Variants in MISP observed in about 807,000 individuals in gnomAD.
MISP encodes mitotic spindle positioning.
In MISP, 51 loss-of-function variants were observed where a neutral mutation model predicts 49.3. The ratio of observed to expected loss-of-function variants is 1.03; its 90% CI spans 0.83 to 1.31. MISP has a LOEUF of 1.31. Ranked by LOEUF, MISP falls within the 50% of genes most tolerant of loss-of-function variation. The probability of loss-of-function intolerance (pLI) is 0.00; values close to 1 mark genes in which losing one functional copy is unlikely to be tolerated. For missense variants in MISP, 1,084 were observed against 935.1 expected, an observed-to-expected ratio of 1.16 and a Z score of -2.08; for synonymous variants, 444 against 392.6, an observed-to-expected ratio of 1.13 and a Z score of -1.55.
chr19:758,693 G>T lies in MISP; in HGVS notation c.1747G>T (p.Asp583Tyr). ...CTCCCCAACGCCAGATGAGAACTCT[G>T]ACCAGAACTCCAGGAGCTCCTCCCA... is the stretch of plus-strand genomic sequence containing the variant. ...VFSPTPDENS[D>Y]QNSRSSSQAS... Residue 583 changes from aspartate to tyrosine, a missense_variant, in exon 2 of 5, where the codon GAC (aspartate) becomes TAC (tyrosine). Coordinates refer to ENST00000215582, the MANE Select transcript of MISP (RefSeq NM_173481.4). The T allele has an allele frequency of 6.2e-7, 1 of 1,614,012 alleles. No individual in the cohort carries two copies. The highest frequency in any genetic ancestry group is 8.5e-7 in the Non-Finnish European group (1 of 1,179,948).
In MISP at chr19:757,084, T is replaced by A; in HGVS notation, c.138T>A (p.Asp46Glu). The change falls in exon 2 of 5, where the codon GAT (aspartate) becomes GAA (glutamate). Residue 46 changes from aspartate to glutamate, a missense_variant. By Grantham distance (45) the Asp-to-Glu change is conservative (BLOSUM62 2). Transcript: ENST00000215582. ...MGPEASGWGQ[D>E]EPQTWPTDHR... Reference sequence around the variant, plus strand: ...CCGAGGCCAGCGGCTGGGGCCAGGATGAGCCGCAGACATGGCCCACTGACC... The same window carrying A: ...CCGAGGCCAGCGGCTGGGGCCAGGAAGAGCCGCAGACATGGCCCACTGACC... 1 of 1,612,796 alleles carries A rather than the reference T, an allele frequency of 6.2e-7. No homozygotes were observed. The highest frequency in any genetic ancestry group is 8.5e-7 in the Non-Finnish European group (1 of 1,179,726).
In MISP at chr19:758,451, A is replaced by T; in HGVS notation, c.1505A>T (p.Glu502Val). ...GCCAACAGGGGTGTCGTGCGGTGGG[A>T]GTACTTCCGCCTGCGTCCTCTGCGG... ...PQANRGVVRW[E>V]YFRLRPLRFR... Residue 502 changes from glutamate to valine, a missense_variant, in exon 2 of 5, where the codon GAG becomes GTG. Physicochemically the swap from Glu to Val is moderately radical, Grantham distance 121. Transcript: ENST00000215582. 1.2e-6 allele frequency: 2 copies of T among 1,614,106 alleles called. No individual in the cohort carries two copies. Among genetic ancestry groups the T allele is most frequent in the Non-Finnish European group, 1.7e-6 (2 of 1,180,024 alleles).
Position 758,521 on chromosome 19 carries a change from C to A in MISP, c.1575C>A (p.Val525=). The change falls in exon 2 of 5, where the codon GTC becomes GTA. Residue 525 remains valine (V), a synonymous_variant. Transcript: ENST00000215582. The part of the protein sequence containing the change: ...DEPQQAQVPH[V]WGWEVAGAPA... ...CCCAGCAGGCCCAAGTCCCCCATGT[C>A]TGGGGCTGGGAGGTGGCTGGGGCCC... The A allele has an allele frequency of 1.2e-6, 2 of 1,614,144 alleles. No homozygotes were observed. The highest frequency in any genetic ancestry group is 4.5e-5 in the East Asian group (2 of 44,888).
At position 760,105 on chromosome 19, in the gene MISP, G is replaced by A. The variant is rs2033649803; in HGVS notation, c.1911+66G>A. 4 of 1,594,092 alleles carry A rather than the reference G, an allele frequency of 2.5e-6. No individual in the cohort carries two copies. In the East Asian group the frequency reaches 6.8e-5, roughly 27 times the overall value. ...CAGACAGCCCCTATTAGGGCCACAG[G>A]AAGTTCAAGCAGGACTCAAGCCTGA... On this transcript the variant is annotated intron_variant, in intron 3 of 4. Transcript: ENST00000215582.
rs369085571 is a variant in MISP, at chr19:760,347, G to A, written c.1911+308G>A. On this transcript the variant is annotated intron_variant, in intron 3 of 4. Transcript: ENST00000215582. ...AGGAGGACACTGGCAATTTGTCATCGTCACCAGCATTAGTTTCTTTTTTTT... is the reference window on the plus strand; with the variant it reads ...AGGAGGACACTGGCAATTTGTCATCATCACCAGCATTAGTTTCTTTTTTTT... The A allele has an allele frequency of 1.8e-5, 4 of 223,810 alleles. No individual in the cohort carries two copies. The South Asian group carries it at 3.5e-4, about 19-fold the overall frequency. 13.9% of individuals were successfully genotyped at this position (223,810 alleles called of 1,614,324 possible).
rs1437155098 is a variant in MISP at position 759,930 on chromosome 19, TGTCTGA to T, written c.1807_1812del (p.Glu603_Ser604del). ...ACAGGCATCACGGGCAGTTACTCGG[TGTCTGA>T]GTCTCCCTTCTTCAGCCCCATCCAC... On this transcript the variant is annotated inframe_deletion, in exon 3 of 5. Coordinates refer to ENST00000215582, the MANE Select transcript of MISP (RefSeq NM_173481.4). The T allele has an allele frequency of 1.9e-6, 3 of 1,614,100 alleles. No homozygotes were observed. The highest frequency in any genetic ancestry group is 2.5e-6 in the Non-Finnish European group (3 of 1,179,976).
At chr19:750,180 G>C (rs970020196), upstream of MISP, among the ~76,000 whole-genome samples, 1 of 143,796 alleles carries the variant, frequency 7.0e-6, no homozygotes, top group Non-Finnish European at 1.5e-5. Context: ...TGACGGCCTC[G>C]TGCGGTTCTT....
In MISP at chr19:757,161, C is replaced by T; in HGVS notation, c.215C>T (p.Ala72Val). Residue 72 changes from alanine (A) to valine (V), a missense_variant, in exon 2 of 5, where the codon GCC becomes GTC. Ala to Val is a moderately conservative substitution (Grantham distance 64, BLOSUM62 0). Transcript: ENST00000215582. ...CAGGGGGTGTCCTACAGCGTGCATG[C>T]CTACACTGGCCAGCCGTCCCCACGG... ...QRQGVSYSVH[A>V]YTGQPSPRGL... The T allele has an allele frequency of 4.3e-6, 7 of 1,613,402 alleles. No homozygotes were observed.
In MISP at chr19:758,022, C is replaced by A. The variant is rs1324435296; in HGVS notation, c.1076C>A (p.Thr359Lys). The change falls in exon 2 of 5, where the codon ACA (threonine) becomes AAA (lysine). Residue 359 changes from threonine (T) to lysine (K), a missense_variant. Thr to Lys is a moderately conservative substitution (Grantham distance 78). Transcript: ENST00000215582. ...GTGCAGCGGGACATAGTACAGGAGA[C>A]ACAGCGTGAGGAAGACCACCGGCGG... Reference protein sequence around the residue: ...LYVQRDIVQETQREEDHRREG... With the variant: ...LYVQRDIVQEKQREEDHRREG... 1 of 1,570,354 alleles carries A rather than the reference C, an allele frequency of 6.4e-7. No individual in the cohort carries two copies. Among genetic ancestry groups the A allele is most frequent in the Non-Finnish European group, 8.6e-7 (1 of 1,161,732 alleles).
At chr19:752,606 G>A (rs1339846984) in intron 1 of MISP, among the ~76,000 whole-genome samples, 1 of 152,114 alleles carries the variant, frequency 6.6e-6, no homozygotes, top group Non-Finnish European at 1.5e-5. Flanking sequence ...CCCAAGAGCT[G>A]GACCCCAGGC....
At chr19:760,729 G>GGGAA (rs1413707331) in intron 3 of MISP, among the ~76,000 whole-genome samples, 1 of 151,836 alleles carries the variant, frequency 6.6e-6, no homozygotes, top group Non-Finnish European at 1.5e-5. Context: ...GAGGGATGGA[G>GGGAA]GGAAGGAAGG....
upstream of MISP, among the ~76,000 whole-genome samples, chr19:749,025 C>T (rs1473746050): frequency 6.6e-6 from 1 of 152,214 alleles, no homozygotes; most frequent in Non-Finnish European, 1.5e-5. Flanking sequence ...GTAATCCTAG[C>T]TATTCAGGAG....
chr19:759,448 G>A (rs1240542801), intron 2 of MISP, among the ~76,000 whole-genome samples: 1 of 146,376 alleles, frequency 6.8e-6, no homozygotes, highest in Non-Finnish European at 1.5e-5. Flanking sequence ...CACCCAGGCT[G>A]GAGTGCAGTG....
At chr19:760,331 C>A (rs1401861199) in intron 3 of MISP, 4 of 259,714 alleles carry the variant, frequency 1.5e-5, no homozygotes, top group Non-Finnish European at 2.9e-5. Flanking sequence ...GAGGAGGACA[C>A]TGGCAATTTG....
Position 758,024 on chromosome 19 carries a change from C to G in MISP, c.1078C>G (p.Gln360Glu). Residue 360 changes from glutamine (Q) to glutamate (E), a missense_variant, in exon 2 of 5, where the codon CAG (glutamine) becomes GAG (glutamate). Physicochemically the swap from Gln to Glu is conservative, Grantham distance 29. Transcript: ENST00000215582. ...GCAGCGGGACATAGTACAGGAGACA[C>G]AGCGTGAGGAAGACCACCGGCGGGA... is the stretch of plus-strand genomic sequence containing the variant. The part of the protein sequence containing the change: ...YVQRDIVQET[Q>E]REEDHRREGL... 1.3e-6 allele frequency: 2 copies of G among 1,570,252 alleles called. No individual in the cohort carries two copies. The highest frequency in any genetic ancestry group is 1.7e-6 in the Non-Finnish European group (2 of 1,161,560).
upstream of MISP, among the ~76,000 whole-genome samples, chr19:749,297 T>A (rs1298784963): frequency 3.3e-5 from 5 of 152,212 alleles, no homozygotes; most frequent in African/African-American, 1.2e-4. Context: ...TGGAGAGCAC[T>A]GCTGAGGGAA....
chr19:758,208 C>T lies in MISP; in HGVS notation c.1262C>T (p.Pro421Leu). The T allele has an allele frequency of 6.2e-7, 1 of 1,612,860 alleles. No homozygotes were observed. The highest frequency in any genetic ancestry group is 2.2e-5 in the East Asian group (1 of 44,804). Residue 421 changes from proline to leucine, a missense_variant, in exon 2 of 5, where the codon CCA becomes CTA. Physicochemically the swap from Pro to Leu is moderately conservative, Grantham distance 98. Transcript: ENST00000215582. ...APEVRKVNRI[P>L]PDAYQPYLSP... is the part of the protein sequence containing the mutation. Reference sequence around the variant, plus strand: ...GAAGTGAGGAAGGTGAACCGCATCCCACCTGATGCCTACCAGCCGTACCTG... The same window carrying T: ...GAAGTGAGGAAGGTGAACCGCATCCTACCTGATGCCTACCAGCCGTACCTG...
At chr19:756,621 T>A (rs555912313) in intron 1 of MISP, among the ~76,000 whole-genome samples, 5 of 152,250 alleles carry the variant, frequency 3.3e-5, no homozygotes, top group Admixed American at 6.5e-5. Context: ...CTGCTCTGAG[T>A]GGCTGTACTG....
rs2033621367 is a variant in MISP at position 758,642 on chromosome 19, A to G, written c.1696A>G (p.Arg566Gly). The change falls in exon 2 of 5, where the codon AGA becomes GGA. Residue 566 changes from arginine to glycine, a missense_variant. Transcript: ENST00000215582. ...RREQEVAEERRNALFPEVFSP... is the reference protein window; with the variant it reads ...RREQEVAEERGNALFPEVFSP... ...GGAGCAAGAGGTGGCAGAGGAGCGG[A>G]GAAATGCTCTCTTCCCAGAGGTCTT... 4.3e-6 allele frequency: 7 copies of G among 1,614,228 alleles called. No individual in the cohort carries two copies. Among genetic ancestry groups the G allele is most frequent in the Non-Finnish European group, 5.9e-6 (7 of 1,180,046 alleles).
Sources: gnomAD v4.1 joint callset for allele counts (sites outside exome capture counted in the v4.1 genomes callset) on GRCh38, gnomAD v4.1.1 for gene constraint, MANE v1.5 for transcripts, NCBI Gene and HGNC (gene_info 2026-07-23, HGNC 2026-07-21) for gene names.